COL22A1: variants seen among roughly 807,000 people sequenced by gnomAD.
COL22A1 encodes collagen type XXII alpha 1 chain.
COL22A1 carries 221 observed loss-of-function variants against 248.9 expected under a neutral mutation model. The ratio of observed to expected loss-of-function variants is 0.89; its 90% CI spans 0.80 to 0.99. COL22A1 has a LOEUF of 0.99. Ranked by LOEUF, COL22A1 falls within the 50% of genes least tolerant of loss-of-function variation. The probability of loss-of-function intolerance (pLI) is 0.00; values close to 1 mark genes in which losing one functional copy is unlikely to be tolerated. For missense variants in COL22A1, 2,240 were observed against 2,179.0 expected (o/e 1.03, Z -0.56); for synonymous variants, 891 against 793.4 (o/e 1.12, Z -2.07).
intron 4 of COL22A1, among the ~76,000 whole-genome samples, chr8:138,840,969 A>G (rs546667272): frequency 3.3e-5 from 5 of 152,142 alleles, no homozygotes; most frequent in African/African-American, 7.2e-5. Flanking sequence ...ATGACAAGAA[A>G]AGCTTTAAAT....
chr8:138,878,941 G>A (rs1823963805), intron 2 of COL22A1, among the ~76,000 whole-genome samples: 1 of 152,088 alleles, frequency 6.6e-6, no homozygotes, highest in Non-Finnish European at 1.5e-5. Context: ...CCGGGAGGCG[G>A]AGCTTGTGGT....
chr8:138,883,297 G>A lies in COL22A1; in HGVS notation c.-72-53C>T. Reference sequence around the variant, plus strand: ...AGGCTCTCAAGCTGAAAGTCTGTGAGAGGCAAACTCTGGGCCCTGCCCAGG... The same window carrying A: ...AGGCTCTCAAGCTGAAAGTCTGTGAAAGGCAAACTCTGGGCCCTGCCCAGG... On this transcript the variant is annotated intron_variant, in intron 1 of 64. Transcript: ENST00000303045. The A allele has an allele frequency of 5.0e-6, 5 of 998,768 alleles. No individual in the cohort carries two copies. In the South Asian group the frequency reaches 8.2e-5, roughly 16 times the overall value. The allele number at this position is 998,768 out of a possible 1,614,324, so 61.9% of individuals were successfully genotyped here. A position where few individuals can be genotyped will look rare whatever the true frequency, so the allele number is the denominator to read the frequency against.
chr8:138,809,522 C>CTTTTTT (rs1405048013), intron 9 of COL22A1, among the ~76,000 whole-genome samples: 2 of 77,986 alleles, frequency 2.6e-5, no homozygotes, highest in African/African-American at 5.2e-5. Context: ...CTCTTTTTTT[C>CTTTTTT]TTTTTCTTTT....
chr8:138,705,840 T>C (rs536642944), intron 30 of COL22A1, among the ~76,000 whole-genome samples: 2 of 152,118 alleles, frequency 1.3e-5, no homozygotes, highest in South Asian at 2.1e-4. Context: ...GACTGGCAAA[T>C]TGGATAAAGA....
chr8:138,651,049 C>T (rs1228637538), intron 45 of COL22A1, among the ~76,000 whole-genome samples: 3 of 152,136 alleles, frequency 2.0e-5, no homozygotes, highest in East Asian at 1.9e-4. Flanking sequence ...TCTTGGTCTC[C>T]GATTTCAGGA....
chr8:138,901,904 G>A lies in COL22A1; in HGVS notation c.-73+11715C>T, dbSNP rs1329566410. Among the ~76,000 whole-genome samples, 3 of 152,090 alleles carry A rather than the reference G, an allele frequency of 2.0e-5. No homozygotes were observed. In the East Asian group the frequency reaches 5.8e-4, roughly 30 times the overall value. ...GGGAAGAGGGGCTGTGCTGGGGAAG[G>A]CGGGGCTACCTGCACTCCCCTGCTC... On this transcript the variant is annotated intron_variant, in intron 1 of 64. Transcript: ENST00000303045.
chr8:138,626,281 T>C, intron 50 of COL22A1, 38 bp from the exon 51 acceptor site: 1 of 1,541,694 alleles, frequency 6.5e-7, no homozygotes, highest in Non-Finnish European at 8.9e-7. Flanking sequence ...ATGAAACCTC[T>C]GCTGGCTTTT....
chr8:138,878,272 A>T lies in COL22A1; in HGVS notation c.136T>A (p.Ser46Thr). 1.3e-6 allele frequency: 2 copies of T among 1,580,980 alleles called. No homozygotes were observed. Among genetic ancestry groups the T allele is most frequent in the Non-Finnish European group, 8.6e-7 (1 of 1,163,198 alleles). ...HYDLVFLLDT[S>T]SSVGKEDFEK... ...AAGTCCTCCTTGCCCACGCTGGAGG[A>T]GGTGTCCAGGAGGAAGACCAGATCG... Residue 46 changes from serine to threonine, a missense_variant, in exon 3 of 65, where the codon TCC (serine) becomes ACC (threonine). Transcript: ENST00000303045.
intron 40 of COL22A1, among the ~76,000 whole-genome samples, chr8:138,678,907 T>C (rs987268216): frequency 1.3e-5 from 2 of 152,176 alleles, no homozygotes; most frequent in African/African-American, 2.4e-5. Flanking sequence ...TGCATTATTA[T>C]CACTTATTTA....
Position 138,821,175 on chromosome 8 carries a change from A to G in COL22A1, c.1206T>C (p.Thr402=). The change falls in exon 7 of 65, where the codon ACT becomes ACC. Residue 402 remains threonine, a synonymous_variant. Transcript: ENST00000303045. The part of the protein sequence containing the change: ...ERENIDIQGK[T]VIGKRLYDSV... ...TGTCGTAGAGGCGCTTGCCAATCAC[A>G]GTCTTGCCCTGGATGTCAATGTTCT... 6.2e-7 allele frequency: 1 copy of G among 1,614,102 alleles called. No homozygotes were observed. Among genetic ancestry groups the G allele is most frequent in the Non-Finnish European group, 8.5e-7 (1 of 1,179,976 alleles).
At chr8:138,676,219 A>G (rs1387960858) in intron 41 of COL22A1, among the ~76,000 whole-genome samples, 2 of 151,624 alleles carry the variant, frequency 1.3e-5, no homozygotes, top group Non-Finnish European at 2.9e-5. Context: ...ACACAGTGAA[A>G]CCCCATCTCT....
intron 47 of COL22A1, among the ~76,000 whole-genome samples, chr8:138,643,651 C>CAGACAGATAGAT (rs1554728513): frequency 6.8e-6 from 1 of 146,552 alleles, no homozygotes; most frequent in African/African-American, 2.7e-5. Flanking sequence ...GATAGATAGA[C>CAGACAGATAGAT]AGATAGATAG....
At chr8:138,695,153 C>G (rs1244068309) in intron 32 of COL22A1, among the ~76,000 whole-genome samples, 1 of 152,178 alleles carries the variant, frequency 6.6e-6, no homozygotes, top group African/African-American at 2.4e-5. Context: ...GGTCAGTGTA[C>G]TGTGCCTTTC....
At chr8:138,622,155 T>A (rs1296587107) in intron 52 of COL22A1, among the ~76,000 whole-genome samples, 1 of 152,244 alleles carries the variant, frequency 6.6e-6, no homozygotes, top group Non-Finnish European at 1.5e-5. Context: ...CTAAAGGCTC[T>A]GCAGTTCTAG....
Position 138,883,065 on chromosome 8 carries a change from GC to G in COL22A1, c.91+16del. 1 of 1,561,026 alleles carries G rather than the reference GC, an allele frequency of 6.4e-7. No homozygotes were observed. Reference sequence around the variant, plus strand: ...TCTGTCCCCAGCACAGCATGGCACAGCCCACGGTGGCCCCACCTGCCCGCTG... The same window carrying G: ...TCTGTCCCCAGCACAGCATGGCACAGCCACGGTGGCCCCACCTGCCCGCTG... On this transcript the variant is annotated intron_variant, in intron 2 of 64. Transcript: ENST00000303045.
chr8:138,815,959 C>T (rs1818651736), intron 7 of COL22A1, among the ~76,000 whole-genome samples: 1 of 152,206 alleles, frequency 6.6e-6, no homozygotes, highest in African/African-American at 2.4e-5. Context: ...CCTCACCCCA[C>T]TGACTTTGTT....
Position 138,598,684 on chromosome 8 carries a change from G to A in COL22A1, c.4365+35C>T, listed in dbSNP as rs1408444146. 13 of 1,585,774 alleles carry A rather than the reference G, an allele frequency of 8.2e-6. No homozygotes were observed. The Admixed American group carries it at 9.2e-5, about 11-fold the overall frequency. On this transcript the variant is annotated intron_variant, in intron 61 of 64. Coordinates refer to ENST00000303045, the MANE Select transcript of COL22A1 (RefSeq NM_152888.3). ...CCCTGGCTCCCCCTTAGGCCCCGAG[G>A]AGCCCCGAGTCCAAAGCCATATTAG...
intron 8 of COL22A1, 63 bp downstream of exon 8, chr8:138,812,876 C>T: frequency 1.6e-6 from 2 of 1,250,382 alleles, no homozygotes; most frequent in Non-Finnish European, 2.4e-6. Context: ...CTCTGGATTC[C>T]CCTTCCCTCT....
intron 44 of COL22A1, among the ~76,000 whole-genome samples, chr8:138,656,276 C>A (rs753134437): frequency 1.1e-4 from 17 of 152,164 alleles, no homozygotes; most frequent in Non-Finnish European, 1.6e-4. Flanking sequence ...CATATGAGTA[C>A]CGTGGGAGGC....
Sources: allele counts gnomAD v4.1 joint callset (sites outside exome capture counted in the v4.1 genomes callset), GRCh38; gene constraint gnomAD v4.1.1; transcripts MANE v1.5; gene names NCBI Gene and HGNC (gene_info 2026-07-23, HGNC 2026-07-21).